CADM2: variants seen among roughly 807,000 people sequenced by gnomAD.
CADM2 encodes cell adhesion molecule 2, also known as immunoglobulin superfamily member 4D.
CADM2 carries 12 observed loss-of-function variants against 49.8 expected under a neutral mutation model. The observed-to-expected ratio is 0.24, with a 90% CI of 0.15 to 0.39. The LOEUF (loss-of-function observed/expected upper bound fraction) is 0.39. Among genes scored for constraint, CADM2 ranks in the 10% least tolerant of loss-of-function variants. The pLI is 1.00. For synonymous variants in CADM2, 214 were observed against 175.4 expected (o/e 1.22, Z -1.74); for missense variants, 378 against 492.3 (o/e 0.77, Z 2.20).
At chr3:86,030,831 A>G (rs1053601546) in intron 8 of CADM2, among the ~76,000 whole-genome samples, 1 of 151,926 alleles carries the variant, frequency 6.6e-6, no homozygotes, top group Admixed American at 6.6e-5. Context: ...TATACAAGGT[A>G]ATAATTTATT....
intron 1 of CADM2, among the ~76,000 whole-genome samples, chr3:85,394,065 G>A (rs2034650911): frequency 6.6e-6 from 1 of 152,116 alleles, no homozygotes; most frequent in Non-Finnish European, 1.5e-5. Context: ...AAAGTGCTGG[G>A]ATTACAGGCG....
chr3:85,627,984 A>G (rs1382352527), intron 1 of CADM2, among the ~76,000 whole-genome samples: 1 of 151,966 alleles, frequency 6.6e-6, no homozygotes, highest in Non-Finnish European at 1.5e-5. Context: ...TTCAAAATGA[A>G]CCACTTGCAA....
intron 1 of CADM2, among the ~76,000 whole-genome samples, chr3:85,113,601 T>C (rs1352490166): frequency 6.6e-6 from 1 of 151,928 alleles, no homozygotes; most frequent in Non-Finnish European, 1.5e-5. Flanking sequence ...ATTCAGTTGA[T>C]GTACTGAAAT....
chr3:85,521,461 T>C (rs2061024832), intron 1 of CADM2, among the ~76,000 whole-genome samples: 1 of 152,192 alleles, frequency 6.6e-6, no homozygotes. Context: ...CACTCTTTTA[T>C]GTTTGCGTCT....
At chr3:85,197,300 G>A (rs2041366574) in intron 1 of CADM2, among the ~76,000 whole-genome samples, 1 of 151,730 alleles carries the variant, frequency 6.6e-6, no homozygotes, top group Non-Finnish European at 1.5e-5. Flanking sequence ...AATTCTATGT[G>A]TTAATGGAGG....
At chr3:85,306,218 C>CA (rs991176259) in intron 1 of CADM2, among the ~76,000 whole-genome samples, 4 of 151,614 alleles carry the variant, frequency 2.6e-5, no homozygotes, top group South Asian at 2.1e-4. Context: ...TAAATTTCAA[C>CA]AAAAAAATCT....
chr3:85,797,040 G>A (rs1353293909), intron 2 of CADM2, among the ~76,000 whole-genome samples: 1 of 149,514 alleles, frequency 6.7e-6, no homozygotes, highest in Non-Finnish European at 1.5e-5. Context: ...GTTGCAGTGA[G>A]CCAAGATTAC....
At chr3:85,852,374 T>C (rs149507621) in intron 3 of CADM2, among the ~76,000 whole-genome samples, 1 of 152,206 alleles carries the variant, frequency 6.6e-6, no homozygotes, top group East Asian at 1.9e-4. Flanking sequence ...AGAAGACTGA[T>C]AGCTGGTAGC....
At chr3:85,168,397 AT>A (rs1239847816) in intron 1 of CADM2, among the ~76,000 whole-genome samples, 1 of 152,192 alleles carries the variant, frequency 6.6e-6, no homozygotes, top group Non-Finnish European at 1.5e-5. Flanking sequence ...TGAAAACATA[AT>A]GTACATAATT....
chr3:85,019,448 A>G (rs1038009365), intron 1 of CADM2, among the ~76,000 whole-genome samples: 1 of 152,122 alleles, frequency 6.6e-6, no homozygotes, highest in Non-Finnish European at 1.5e-5. Context: ...TCGCCACTGC[A>G]CTCTCACCTG....
At chr3:85,618,909 TG>T in intron 1 of CADM2, among the ~76,000 whole-genome samples, 1 of 151,904 alleles carries the variant, frequency 6.6e-6, no homozygotes, top group South Asian at 2.1e-4. Flanking sequence ...GGCATAGTTG[TG>T]GGTGCGTGTA....
intron 8 of CADM2, among the ~76,000 whole-genome samples, chr3:86,034,523 G>A (rs7651084): frequency 0.021 from 3,153 of 152,084 alleles, 64 homozygotes; most frequent in East Asian, 0.062. Flanking sequence ...TCACAGAACC[G>A]TGAGAAATAA....
At chr3:85,555,729 T>A (rs528783499) in intron 1 of CADM2, among the ~76,000 whole-genome samples, 1 of 152,262 alleles carries the variant, frequency 6.6e-6, no homozygotes, top group Admixed American at 6.5e-5. Context: ...TTCCAAGGGA[T>A]ATTTTAAATC....
Position 85,705,832 on chromosome 3 carries a change from C to G in CADM2, c.62-20690C>G, listed in dbSNP as rs531042205. Among the ~76,000 whole-genome samples the G allele has an allele frequency of 7.9e-5, 12 of 152,282 alleles. No individual in the cohort carries two copies. In the South Asian group the frequency reaches 2.5e-3, roughly 32 times the overall value. ...TTAAATTCTGAAAAATTATTCTCCTCTTACATATGGATTTTCCCCCTCACC... is the reference window on the plus strand; with the variant it reads ...TTAAATTCTGAAAAATTATTCTCCTGTTACATATGGATTTTCCCCCTCACC... On this transcript the variant is annotated intron_variant, in intron 1 of 9. Coordinates refer to ENST00000383699, the MANE Select transcript of CADM2 (RefSeq NM_001167675.2).
At chr3:85,090,774 A>G (rs1230365327) in intron 1 of CADM2, among the ~76,000 whole-genome samples, 5 of 152,118 alleles carry the variant, frequency 3.3e-5, no homozygotes, top group Non-Finnish European at 7.4e-5. Context: ...TGCAAACCCT[A>G]CTGTCAACTG....
chr3:85,759,630 T>C (rs1377815668), intron 2 of CADM2, among the ~76,000 whole-genome samples: 1 of 152,126 alleles, frequency 6.6e-6, no homozygotes, highest in Non-Finnish European at 1.5e-5. Context: ...TGCCACATAA[T>C]ACTTTGCTTT....
chr3:85,952,088 T>G (rs1036204214), intron 7 of CADM2, among the ~76,000 whole-genome samples: 1 of 150,720 alleles, frequency 6.6e-6, no homozygotes, highest in African/African-American at 2.4e-5. Context: ...AAAATGAGAC[T>G]TTTATGGAAG....
At chr3:85,762,222 A>G (rs1220499007) in intron 2 of CADM2, among the ~76,000 whole-genome samples, 1 of 152,170 alleles carries the variant, frequency 6.6e-6, no homozygotes, top group East Asian at 1.9e-4. Flanking sequence ...AAGCATTTAT[A>G]GAAAATCTGT....
chr3:85,900,540 A>T (rs566980474), intron 5 of CADM2, among the ~76,000 whole-genome samples: 275 of 152,252 alleles, frequency 1.8e-3, no homozygotes, highest in African/African-American at 3.7e-3. Flanking sequence ...CATTTTTTTT[A>T]AATTTTTACT....
Sources: gnomAD v4.1 joint callset for allele counts (sites outside exome capture counted in the v4.1 genomes callset) on GRCh38, gnomAD v4.1.1 for gene constraint, MANE v1.5 for transcripts, NCBI Gene and HGNC (gene_info 2026-07-23, HGNC 2026-07-21) for gene names.